Variants in GRAMD1B observed in about 807,000 individuals in gnomAD.
GRAMD1B encodes the protein protein Aster-B.
A neutral mutation model predicts 99.7 loss-of-function variants in GRAMD1B; 37 were observed. That is an observed-to-expected ratio of 0.37 (90% confidence interval 0.29 to 0.49). The LOEUF (loss-of-function observed/expected upper bound fraction) is 0.49. Ranked by LOEUF, GRAMD1B falls within the 20% of genes least tolerant of loss-of-function variation. The pLI, the probability that GRAMD1B is intolerant of heterozygous loss-of-function variation, is 0.98. For missense variants in GRAMD1B, 888 were observed against 1,009.2 expected, an observed-to-expected ratio of 0.88 and a Z score of 1.63; for synonymous variants, 427 against 387.6, an observed-to-expected ratio of 1.10 and a Z score of -1.19.
At chr11:123,372,065 A>G (rs1427250205) in intron 1 of GRAMD1B, among the ~76,000 whole-genome samples, 1 of 152,224 alleles carries the variant, frequency 6.6e-6, no homozygotes, top group Non-Finnish European at 1.5e-5. Flanking sequence ...CACTGAAGCA[A>G]GGTTTTCAAA....
At chr11:123,425,921 G>C (rs538042162), upstream of GRAMD1B, among the ~76,000 whole-genome samples, 3 of 152,192 alleles carry the variant, frequency 2.0e-5, no homozygotes, top group Non-Finnish European at 4.4e-5. Context: ...ATGGGGAGGA[G>C]TTTAAGTTAT....
chr11:123,527,478 G>A (rs1413742593), intron 2 of GRAMD1B, among the ~76,000 whole-genome samples: 1 of 152,156 alleles, frequency 6.6e-6, no homozygotes, highest in Non-Finnish European at 1.5e-5. Flanking sequence ...ATGAACATCA[G>A]TTATCCCCCA....
intron 2 of GRAMD1B, among the ~76,000 whole-genome samples, chr11:123,560,970 T>C (rs1946700686): frequency 2.0e-5 from 3 of 152,220 alleles, no homozygotes. Flanking sequence ...TGTGACATCA[T>C]GCTGCAGAGA....
At chr11:123,472,050 T>C (rs1283776065) in intron 1 of GRAMD1B, among the ~76,000 whole-genome samples, 2 of 151,964 alleles carry the variant, frequency 1.3e-5, no homozygotes, top group Admixed American at 1.3e-4. Flanking sequence ...GGTGGATCAT[T>C]TGAGGCCAGG....
chr11:123,373,618 A>G (rs1946602106), intron 1 of GRAMD1B, among the ~76,000 whole-genome samples: 1 of 152,212 alleles, frequency 6.6e-6, no homozygotes, highest in Admixed American at 6.5e-5. Context: ...CTTTGAAAGA[A>G]GGAAATCTCC....
chr11:123,380,989 GT>G (rs75817143), intron 1 of GRAMD1B, among the ~76,000 whole-genome samples: 2 of 151,756 alleles, frequency 1.3e-5, no homozygotes, highest in Non-Finnish European at 2.9e-5. Context: ...TATTTTTCAT[GT>G]TTTTTTTCTC....
chr11:123,458,858 TC>T (rs1433747367), intron 1 of GRAMD1B: 1 of 152,218 alleles, frequency 6.6e-6, no homozygotes, highest in Non-Finnish European at 1.5e-5. Flanking sequence ...AATGGGTAGT[TC>T]CAGGTATGGC....
rs765007012 is a variant in GRAMD1B, at chr11:123,594,143, C to T, written c.746C>T (p.Pro249Leu). ...TTCAGAAAGCTCTTTAAGCAGCTTC[C>T]AGACACGGAGCGCCTCATTGTTGGT... is the stretch of plus-strand genomic sequence containing the variant. ...EDFRKLFKQL[P>L]DTERLIVDYS... The change falls in exon 5 of 20, where the codon CCA becomes CTA. Residue 249 changes from proline (P) to leucine (L), a missense_variant. Around this residue, in one of 5 missense-constraint regions of GRAMD1B, gnomAD observed 62 missense variants for 139.4 expected, o/e 0.44. Coordinates refer to ENST00000635736, the MANE Select transcript of GRAMD1B (RefSeq NM_001387025.1). 6.2e-7 allele frequency: 1 copy of T among 1,612,838 alleles called. No homozygotes were observed. The highest frequency in any genetic ancestry group is 1.7e-5 in the Admixed American group (1 of 60,026).
At chr11:123,400,774 T>A (rs1272850111) in intron 1 of GRAMD1B, among the ~76,000 whole-genome samples, 1 of 152,190 alleles carries the variant, frequency 6.6e-6, no homozygotes, top group Non-Finnish European at 1.5e-5. Flanking sequence ...CAGGGAAACA[T>A]AATATTCAGT....
chr11:123,411,902 C>A (rs749277159), intron 1 of GRAMD1B, among the ~76,000 whole-genome samples: 3 of 151,980 alleles, frequency 2.0e-5, no homozygotes, highest in African/African-American at 7.3e-5. Context: ...GCCTGCCTCA[C>A]CCTCCAATTT....
At chr11:123,560,155 T>C (rs1946571838) in intron 2 of GRAMD1B, 5 of 986,154 alleles carry the variant, frequency 5.1e-6, no homozygotes, top group Non-Finnish European at 6.1e-6. Context: ...AGAGTTGCAT[T>C]ATGTAAACCG....
intron 4 of GRAMD1B, among the ~76,000 whole-genome samples, chr11:123,585,717 C>T (rs983653771): frequency 3.3e-5 from 5 of 152,200 alleles, no homozygotes; most frequent in Non-Finnish European, 5.9e-5. Context: ...CTCAACTCTC[C>T]CTTGCACCTT....
intron 1 of GRAMD1B, among the ~76,000 whole-genome samples, chr11:123,449,714 C>CATTTTTTTTTTTTTTTTTTTTTTT (rs1949796816): frequency 2.0e-5 from 2 of 99,988 alleles, no homozygotes; most frequent in East Asian, 5.9e-4. Flanking sequence ...CCATGCCTGG[C>CATTTTTTTTTTTTTTTTTTTTTTT]TTTTTTTTTT....
In GRAMD1B at chr11:123,625,576, G is replaced by T. The variant is rs1231890087; in HGVS notation, c.*2981G>T. 1 of 152,238 alleles carries T rather than the reference G, an allele frequency of 6.6e-6. No individual in the cohort carries two copies. Among genetic ancestry groups the T allele is most frequent in the Non-Finnish European group, 1.5e-5 (1 of 68,086 alleles). The allele number at this position is 152,238 out of a possible 1,614,324, so 9.4% of individuals were successfully genotyped here. A position where few individuals can be genotyped will look rare whatever the true frequency, so the allele number is the denominator to read the frequency against. ...CAGCTGCTTGAAGCTCTGTGTAAGAGCACTGCACTGACGGTTTGGAGACCT... is the reference window on the plus strand; with the variant it reads ...CAGCTGCTTGAAGCTCTGTGTAAGATCACTGCACTGACGGTTTGGAGACCT... On this transcript the variant is annotated 3_prime_UTR_variant, in exon 20 of 20. Coordinates refer to ENST00000635736, the MANE Select transcript of GRAMD1B (RefSeq NM_001387025.1).
At chr11:123,479,280 C>G (rs1399180268) in intron 1 of GRAMD1B, among the ~76,000 whole-genome samples, 1 of 152,198 alleles carries the variant, frequency 6.6e-6, no homozygotes, top group Non-Finnish European at 1.5e-5. Flanking sequence ...AGGTCATTTA[C>G]TTCTTGCTGG....
chr11:123,417,295 C>T (rs766586815), intron 1 of GRAMD1B, among the ~76,000 whole-genome samples: 6 of 152,144 alleles, frequency 3.9e-5, no homozygotes, highest in Non-Finnish European at 8.8e-5. Flanking sequence ...ATCACTTTAA[C>T]CTGGGAGGCA....
chr11:123,615,771 G>A (rs2137053370), intron 17 of GRAMD1B, among the ~76,000 whole-genome samples: 1 of 152,346 alleles, frequency 6.6e-6, no homozygotes, highest in Middle Eastern at 3.4e-3. Context: ...GAGCTCAGAT[G>A]ACAAGTGTAG....
chr11:123,558,699 A>C (rs1014059674), intron 2 of GRAMD1B, among the ~76,000 whole-genome samples: 3 of 152,220 alleles, frequency 2.0e-5, no homozygotes, highest in South Asian at 4.1e-4. Flanking sequence ...TGAGCCAGAC[A>C]AGGAGGGAGG....
At chr11:123,576,443 G>A (rs936966995) in intron 2 of GRAMD1B, among the ~76,000 whole-genome samples, 3 of 152,060 alleles carry the variant, frequency 2.0e-5, no homozygotes, top group African/African-American at 4.8e-5. Flanking sequence ...CTCCACTCTC[G>A]GAAGCAAAGC....
Sources: allele counts gnomAD v4.1 joint callset (sites outside exome capture counted in the v4.1 genomes callset), GRCh38; gene constraint gnomAD v4.1.1; regional missense constraint gnomAD v4.1.1; transcripts MANE v1.5; gene names NCBI Gene and HGNC (gene_info 2026-07-23, HGNC 2026-07-21).